The following GPR158 variants were observed in gnomAD, a reference collection of about 807,000 sequenced individuals.
The protein encoded by GPR158 is G protein-coupled receptor 158, also known as metabotropic glycine receptor.
In GPR158, 30 loss-of-function variants were observed where a neutral mutation model predicts 78.2. That is an observed-to-expected ratio of 0.38 (90% confidence interval 0.29 to 0.52). The LOEUF is 0.52. Among genes scored for constraint, GPR158 ranks in the 20% least tolerant of loss-of-function variants. The pLI is 0.83. For missense variants in GPR158, 1,463 were observed against 1,523.5 expected (o/e 0.96, Z 0.66); for synonymous variants, 581 against 591.1 (o/e 0.98, Z 0.25).
Position 25,221,177 on chromosome 10 carries a change from A to G in GPR158, c.1008+20A>G, listed in dbSNP as rs761216622. ...TCAGAGGTAAGAAGATGAAAATAAA[A>G]TCCTCTTTAAGCTCAGGAATACATT... is the stretch of plus-strand genomic sequence containing the variant. On this transcript the variant is annotated intron_variant, in intron 2 of 10. Transcript: ENST00000376351. 3.3e-6 allele frequency: 4 copies of G among 1,204,042 alleles called. No individual in the cohort carries two copies. The highest frequency in any genetic ancestry group is 4.9e-6 in the Non-Finnish European group (4 of 814,672). The allele number at this position is 1,204,042 out of a possible 1,614,324, so 74.6% of individuals were successfully genotyped here. A position where few individuals can be genotyped will look rare whatever the true frequency, so the allele number is the denominator to read the frequency against.
chr10:25,406,634 A>C (rs1834519319), intron 3 of GPR158, among the ~76,000 whole-genome samples: 1 of 152,186 alleles, frequency 6.6e-6, no homozygotes, highest in Non-Finnish European at 1.5e-5. Flanking sequence ...ATTTAATAGG[A>C]TTGCAGTATT....
intron 2 of GPR158, among the ~76,000 whole-genome samples, chr10:25,279,820 T>C (rs977458600): frequency 1.3e-5 from 2 of 152,190 alleles, no homozygotes; most frequent in African/African-American, 2.4e-5. Context: ...TTACACAGTC[T>C]TTAATTTCTT....
At chr10:25,504,640 G>C (rs943984) in intron 5 of GPR158, among the ~76,000 whole-genome samples, 59,683 of 152,042 alleles carry the variant, frequency 0.39, 11,833 homozygotes, top group East Asian at 0.48. Flanking sequence ...TCTTCCCCGA[G>C]TGCCTGACTT....
chr10:25,228,954 G>A (rs925198233), intron 2 of GPR158, among the ~76,000 whole-genome samples: 2 of 151,214 alleles, frequency 1.3e-5, no homozygotes, highest in Non-Finnish European at 2.9e-5. Context: ...AGAATGGTAT[G>A]AACCCCGGAG....
rs180689105 is a variant in GPR158, at chr10:25,587,827, G to C, written c.1754-1180G>C. ...AGGCCCTACCTACCATTTAAATGCT[G>C]ATTGAAATATACTGAAACTTTGGCA... On this transcript the variant is annotated intron_variant, in intron 7 of 10. Transcript: ENST00000376351. 4.9e-3 allele frequency among the ~76,000 whole-genome samples: 743 copies of C among 152,306 alleles called. 6 individuals carry two copies. Among genetic ancestry groups the C allele is most frequent in the Non-Finnish European group, 8.0e-3 (545 of 68,026 alleles).
chr10:25,413,739 G>T (rs1316291418), intron 4 of GPR158, among the ~76,000 whole-genome samples: 1 of 152,182 alleles, frequency 6.6e-6, no homozygotes, highest in Non-Finnish European at 1.5e-5. Flanking sequence ...GATTCTAGGA[G>T]ATTGTATTCA....
At chr10:25,562,737 G>T (rs762652853) in intron 6 of GPR158, among the ~76,000 whole-genome samples, 4 of 152,180 alleles carry the variant, frequency 2.6e-5, no homozygotes, top group African/African-American at 9.6e-5. Context: ...TGACAAGAAC[G>T]TGTACTCTGC....
chr10:25,476,212 T>C (rs567398931), intron 5 of GPR158, among the ~76,000 whole-genome samples: 1 of 152,252 alleles, frequency 6.6e-6, no homozygotes, highest in African/African-American at 2.4e-5. Context: ...CTAGCAACTT[T>C]GTATAATTTA....
intron 4 of GPR158, among the ~76,000 whole-genome samples, chr10:25,414,448 C>A (rs1279526732): frequency 6.6e-6 from 1 of 151,988 alleles, no homozygotes; most frequent in Admixed American, 6.5e-5. Context: ...AGATGGTCAC[C>A]TTTCGAAGAA....
intron 3 of GPR158, among the ~76,000 whole-genome samples, chr10:25,403,887 A>G (rs1039475231): frequency 6.6e-6 from 1 of 152,060 alleles, no homozygotes; most frequent in Non-Finnish European, 1.5e-5. Flanking sequence ...ATCAGTAACA[A>G]TTGTTTATTG....
chr10:25,441,013 C>G (rs1402444666), intron 4 of GPR158, among the ~76,000 whole-genome samples: 1 of 152,094 alleles, frequency 6.6e-6, no homozygotes, highest in African/African-American at 2.4e-5. Context: ...GATAGGGAAG[C>G]AACGTGCATA....
Position 25,175,259 on chromosome 10 carries a change from GC to G in GPR158, c.-160del, listed in dbSNP as rs1852507552. 1.8e-6 allele frequency: 1 copy of G among 548,822 alleles called. No individual in the cohort carries two copies. The highest frequency in any genetic ancestry group is 3.2e-6 in the Non-Finnish European group (1 of 312,608). 34.0% of individuals were successfully genotyped at this position (548,822 alleles called of 1,614,324 possible). A position where few individuals can be genotyped will look rare whatever the true frequency, so the allele number is the denominator to read the frequency against. ...TGCGACGGTAGCTTAGCCACCCGGG[GC>G]CAATCTCGAAACATTCTTATTTTCA... On this transcript the variant is annotated 5_prime_UTR_variant, in exon 1 of 11. Transcript: ENST00000376351. This position sits in a 1 kb window ranked among gnomAD's most constrained non-coding sequence, Gnocchi z 6.4.
In GPR158 at chr10:25,176,732, A is replaced by G. The variant is rs1236807967; in HGVS notation, c.902+410A>G. The stretch of plus-strand genomic sequence containing the variant: ...CGCGGAGTGGCAAGCCTCAGATGAG[A>G]GGCGAAAAGGGAGCAGGAGGAACAG... On this transcript the variant is annotated intron_variant, in intron 1 of 10. Coordinates refer to ENST00000376351, the MANE Select transcript of GPR158 (RefSeq NM_020752.3). This position sits in a 1 kb window ranked among gnomAD's most constrained non-coding sequence, Gnocchi z 6.3. Among the ~76,000 whole-genome samples the G allele has an allele frequency of 6.6e-6, 1 of 152,204 alleles. No homozygotes were observed. Among genetic ancestry groups the G allele is most frequent in the Admixed American group, 6.5e-5 (1 of 15,278 alleles).
chr10:25,211,852 T>G (rs1853135734), intron 1 of GPR158, among the ~76,000 whole-genome samples: 1 of 152,234 alleles, frequency 6.6e-6, no homozygotes, highest in Non-Finnish European at 1.5e-5. Flanking sequence ...TACCTTCCTT[T>G]ATCATAAGTA....
In GPR158 at chr10:25,566,361, C is replaced by A. The variant is rs951184240; in HGVS notation, c.1515-6288C>A. Among the ~76,000 whole-genome samples, 4 of 152,140 alleles carry A rather than the reference C, an allele frequency of 2.6e-5. No individual in the cohort carries two copies. The East Asian group carries it at 5.8e-4, about 22-fold the overall frequency. ...ATCTTCAATATTATTCATCCCGGAC[C>A]GAAGTAAGTCCTGATGCAGGAAATG... On this transcript the variant is annotated intron_variant, in intron 6 of 10. Transcript: ENST00000376351.
intron 5 of GPR158, among the ~76,000 whole-genome samples, chr10:25,511,883 T>C (rs1324801218): frequency 6.6e-6 from 1 of 152,188 alleles, no homozygotes; most frequent in Non-Finnish European, 1.5e-5. Flanking sequence ...TTCTGTTTCA[T>C]TGGTCTATGT....
At chr10:25,480,451 C>T (rs565970145) in intron 5 of GPR158, among the ~76,000 whole-genome samples, 70 of 152,310 alleles carry the variant, frequency 4.6e-4, no homozygotes, top group African/African-American at 1.6e-3. Context: ...ACTTTTTCAT[C>T]ATCCCAAGCT....
At chr10:25,217,133 G>A (rs1378196786) in intron 1 of GPR158, among the ~76,000 whole-genome samples, 3 of 152,120 alleles carry the variant, frequency 2.0e-5, no homozygotes, top group Non-Finnish European at 4.4e-5. Context: ...TGAGTTTTGT[G>A]GTCAACTGTT....
intron 4 of GPR158, among the ~76,000 whole-genome samples, chr10:25,425,149 T>C (rs1834802548): frequency 6.6e-6 from 1 of 152,166 alleles, no homozygotes; most frequent in Non-Finnish European, 1.5e-5. Flanking sequence ...CAATTGTGAA[T>C]GGGAGTTCAC....
Sources: gnomAD v4.1 joint callset for allele counts (sites outside exome capture counted in the v4.1 genomes callset) on GRCh38, gnomAD v4.1.1 for gene constraint, Gnocchi (gnomAD v3.1) non-coding constraint, MANE v1.5 for transcripts, NCBI Gene and HGNC (gene_info 2026-07-23, HGNC 2026-07-21) for gene names.